The following KIF18A variants were observed in gnomAD, a reference collection of about 807,000 sequenced individuals.
KIF18A encodes kinesin family member 18A, also known as kinesin-like protein KIF18A.
A neutral mutation model predicts 103.3 loss-of-function variants in KIF18A; 67 were observed. The observed-to-expected ratio is 0.65, with a 90% CI of 0.53 to 0.79. The LOEUF is 0.79. KIF18A is among the 30% of genes least tolerant of loss of function. KIF18A has a pLI of 0.00. For synonymous variants in KIF18A, 367 were observed against 355.5 expected, an observed-to-expected ratio of 1.03 and a Z score of -0.36; for missense variants, 1,032 against 1,062.5, an observed-to-expected ratio of 0.97 and a Z score of 0.40.
chr11:28,093,853 A>G (rs1430367036), intron 3 of KIF18A, among the ~76,000 whole-genome samples: 2 of 152,172 alleles, frequency 1.3e-5, no homozygotes, highest in African/African-American at 4.8e-5. Flanking sequence ...AACAATAGAT[A>G]AAAGTTTGAG....
intron 13 of KIF18A, among the ~76,000 whole-genome samples, chr11:28,057,192 C>T (rs1289683286): frequency 6.6e-6 from 1 of 152,000 alleles, no homozygotes; most frequent in Non-Finnish European, 1.5e-5. Context: ...ATGAATTGGC[C>T]TCATCGATAA....
intron 4 of KIF18A, 53 bp downstream of exon 4, chr11:28,091,356 C>G: frequency 1.0e-6 from 1 of 955,416 alleles, no homozygotes; most frequent in Non-Finnish European, 1.6e-6. Context: ...GTGAAAATAG[C>G]TTAATAGTCA....
chr11:28,039,067 G>T (rs1295391508), intron 13 of KIF18A, among the ~76,000 whole-genome samples: 1 of 151,580 alleles, frequency 6.6e-6, no homozygotes, highest in Non-Finnish European at 1.5e-5. Flanking sequence ...TCCACCAACA[G>T]CTCACCAAGT....
At position 28,067,090 on chromosome 11, in the gene KIF18A, T is replaced by C. The variant is rs74753531; in HGVS notation, c.1590+2169A>G. Among the ~76,000 whole-genome samples the C allele has an allele frequency of 2.1e-3, 327 of 152,096 alleles. 4 individuals carry two copies. In the East Asian group the frequency reaches 0.042, roughly 19 times the overall value. On this transcript the variant is annotated intron_variant, in intron 11 of 16. Coordinates refer to ENST00000263181, the MANE Select transcript of KIF18A (RefSeq NM_031217.4). ...AGTCATATAATTATTGTTAGAGTTG[T>C]TATTCAAAACAACTACTATATGCCA...
chr11:28,088,780 A>C, intron 5 of KIF18A, 59 bp from the exon 6 acceptor site: 6 of 1,301,932 alleles, frequency 4.6e-6, no homozygotes, highest in Non-Finnish European at 6.5e-6. Context: ...ATTAAAAGGG[A>C]AATATATACT....
chr11:28,108,125 T>C lies in KIF18A; in HGVS notation c.-108A>G, dbSNP rs1039892485. 2 of 152,464 alleles carry C rather than the reference T, an allele frequency of 1.3e-5. No homozygotes were observed. The highest frequency in any genetic ancestry group is 2.9e-5 in the Non-Finnish European group (2 of 68,244). 9.4% of individuals were successfully genotyped at this position (152,464 alleles called of 1,614,324 possible). A position where few individuals can be genotyped will look rare whatever the true frequency, so the allele number is the denominator to read the frequency against. ...GGTTACCGCAACCACTTCACTTTAA[T>C]GTCCGCCTCCCAGCGCTTCAGACTC... On this transcript the variant is annotated 5_prime_UTR_variant, in exon 1 of 17. Coordinates refer to ENST00000263181, the MANE Select transcript of KIF18A (RefSeq NM_031217.4).
chr11:28,030,284 T>C (rs1049559538), intron 15 of KIF18A, among the ~76,000 whole-genome samples: 3 of 151,842 alleles, frequency 2.0e-5, no homozygotes, highest in Admixed American at 6.6e-5. Context: ...CAAACTATAC[T>C]ACAAGGCTAC....
At chr11:28,074,717 G>A (rs1020729847) in intron 10 of KIF18A, among the ~76,000 whole-genome samples, 1 of 152,046 alleles carries the variant, frequency 6.6e-6, no homozygotes, top group African/African-American at 2.4e-5. Context: ...TGGACATTAA[G>A]AAATGCAAAA....
At chr11:28,097,446 T>A in intron 2 of KIF18A, 177 bp downstream of exon 2, 1 of 597,392 alleles carries the variant, frequency 1.7e-6, no homozygotes, top group Non-Finnish European at 2.9e-6. Context: ...ATAAGTTATA[T>A]ATGATAACTA....
chr11:28,077,006 C>T lies in KIF18A; in HGVS notation c.1425+1G>A. The T allele has an allele frequency of 1.5e-6, 2 of 1,332,962 alleles. No individual in the cohort carries two copies. The highest frequency in any genetic ancestry group is 2.7e-5 in the Admixed American group (1 of 37,370). The allele number at this position is 1,332,962 out of a possible 1,614,324, so 82.6% of individuals were successfully genotyped here. A position where few individuals can be genotyped will look rare whatever the true frequency, so the allele number is the denominator to read the frequency against. The stretch of plus-strand genomic sequence containing the variant: ...AATTTAATTATAAAATTGTTAATTA[C>T]CTTTTCTACTTTGTCTTCAGAACAC... On this transcript the variant is annotated splice_donor_variant, in intron 10 of 16. Transcript: ENST00000263181. LOFTEE classifies it high-confidence loss of function.
intron 9 of KIF18A, among the ~76,000 whole-genome samples, chr11:28,080,574 T>C (rs1052290171): frequency 6.6e-6 from 1 of 152,126 alleles, no homozygotes; most frequent in Non-Finnish European, 1.5e-5. Context: ...ATTGTGCCCA[T>C]ATAAGACAGT....
chr11:28,075,743 C>G (rs1330390322), intron 10 of KIF18A, among the ~76,000 whole-genome samples: 1 of 152,028 alleles, frequency 6.6e-6, no homozygotes, highest in Non-Finnish European at 1.5e-5. Context: ...TTATTAGTGG[C>G]TAGAGTTGAG....
chr11:28,036,580 C>T lies in KIF18A; in HGVS notation c.2033G>A (p.Gly678Glu), dbSNP rs777630970. The T allele has an allele frequency of 3.7e-6, 6 of 1,610,642 alleles. No homozygotes were observed. In the African/African-American group the frequency reaches 6.7e-5, roughly 18 times the overall value. Residue 678 changes from glycine (G) to glutamate (E), a missense_variant, in exon 14 of 17, where the codon GGA becomes GAA. Gly to Glu is a moderately conservative substitution (Grantham distance 98). Coordinates refer to ENST00000263181, the MANE Select transcript of KIF18A (RefSeq NM_031217.4). ...RRKLMPSPLK[G>E]QHTLKSPPSQ... ...TGGTGGAGACTTTAGAGTATGCTGTCCTTTCAAGGGAGATGGCATTAGTTT... is the reference window on the plus strand; with the variant it reads ...TGGTGGAGACTTTAGAGTATGCTGTTCTTTCAAGGGAGATGGCATTAGTTT...
chr11:28,099,298 A>G (rs12287732), intron 1 of KIF18A, among the ~76,000 whole-genome samples: 45,243 of 151,936 alleles, frequency 0.3, 7,747 homozygotes, highest in African/African-American at 0.46. Flanking sequence ...AACACAGAGA[A>G]GTAGAGTAAT....
At position 28,062,426 on chromosome 11, in the gene KIF18A, G is replaced by A. The variant is rs1164261568; in HGVS notation, c.1681C>T (p.Leu561Phe). The A allele has an allele frequency of 6.2e-7, 1 of 1,611,414 alleles. No homozygotes were observed. The highest frequency in any genetic ancestry group is 1.7e-5 in the Admixed American group (1 of 59,800). ...GTCTGCCTGTGTTGCTGTTCCTGAAGACAAGCTAGATCCATCATATGTCTA... is the reference window on the plus strand; with the variant it reads ...GTCTGCCTGTGTTGCTGTTCCTGAAAACAAGCTAGATCCATCATATGTCTA... Reference protein sequence around the residue: ...QIRHMMDLACLQEQQHRQTEA... With the variant: ...QIRHMMDLACFQEQQHRQTEA... Residue 561 changes from leucine to phenylalanine, a missense_variant, in exon 12 of 17, where the codon CTT becomes TTT. Leu to Phe is a conservative substitution (Grantham distance 22). Coordinates refer to ENST00000263181, the MANE Select transcript of KIF18A (RefSeq NM_031217.4).
chr11:28,084,469 G>A (rs977151987), intron 7 of KIF18A, 163 bp downstream of exon 7: 12 of 345,260 alleles, frequency 3.5e-5, no homozygotes, highest in South Asian at 2.1e-4. Flanking sequence ...TGGTTTAACC[G>A]TCTAAATTAA....
At chr11:28,056,490 T>C (rs557912505) in intron 13 of KIF18A, among the ~76,000 whole-genome samples, 2 of 152,162 alleles carry the variant, frequency 1.3e-5, no homozygotes, top group South Asian at 4.1e-4. Flanking sequence ...TGCAATATAA[T>C]TGGAGTCCCA....
At chr11:28,067,159 T>A (rs1850942709) in intron 11 of KIF18A, among the ~76,000 whole-genome samples, 1 of 152,028 alleles carries the variant, frequency 6.6e-6, no homozygotes, top group African/African-American at 2.4e-5. Flanking sequence ...CTTTTCCCAA[T>A]GTTTACATTA....
chr11:28,045,096 T>C (rs1850614322), intron 13 of KIF18A, among the ~76,000 whole-genome samples: 1 of 152,108 alleles, frequency 6.6e-6, no homozygotes, highest in African/African-American at 2.4e-5. Flanking sequence ...AATTGATGAA[T>C]GGTAGTGTAA....
Sources: allele counts gnomAD v4.1 joint callset (sites outside exome capture counted in the v4.1 genomes callset), GRCh38; gene constraint gnomAD v4.1.1; transcripts MANE v1.5; gene names NCBI Gene and HGNC (gene_info 2026-07-23, HGNC 2026-07-21).